The following RSU1 variants were observed in gnomAD, a reference collection of about 807,000 sequenced individuals.
RSU1 encodes Ras suppressor protein 1.
In RSU1, 26 loss-of-function variants were observed where a neutral mutation model predicts 31.1. The observed-to-expected ratio is 0.84, with a 90% CI of 0.61 to 1.16. RSU1 has a LOEUF of 1.16. RSU1 is among the 50% of genes most tolerant of loss of function. RSU1 has a pLI of 0.00. For synonymous variants in RSU1, 164 were observed against 136.3 expected, an observed-to-expected ratio of 1.20 and a Z score of -1.41; for missense variants, 320 against 339.1, an observed-to-expected ratio of 0.94 and a Z score of 0.44.
At chr10:16,705,975 TG>T (rs1835892326) in intron 7 of RSU1, among the ~76,000 whole-genome samples, 2 of 152,210 alleles carry the variant, frequency 1.3e-5, no homozygotes, top group African/African-American at 4.8e-5. Flanking sequence ...GTTGAATCCA[TG>T]AATGCAGACT....
chr10:16,767,437 G>A (rs1229531715), intron 3 of RSU1: 1 of 152,140 alleles, frequency 6.6e-6, no homozygotes, highest in Non-Finnish European at 1.5e-5. Flanking sequence ...TGCTAAATGT[G>A]ATTTAGGGCT....
intron 7 of RSU1, among the ~76,000 whole-genome samples, chr10:16,712,817 CATG>C (rs1374780939): frequency 6.6e-6 from 1 of 152,136 alleles, no homozygotes; most frequent in East Asian, 1.9e-4. Flanking sequence ...CACATGTTTT[CATG>C]ATAATTATTG....
intron 2 of RSU1, among the ~76,000 whole-genome samples, chr10:16,788,912 C>A (rs2131658210): frequency 6.6e-6 from 1 of 152,298 alleles, no homozygotes; most frequent in East Asian, 1.9e-4. Flanking sequence ...GGGTGAGCTG[C>A]AACTGGCAGA....
chr10:16,750,138 A>ATAATAATAATAG (rs1836945720), intron 7 of RSU1, among the ~76,000 whole-genome samples: 1 of 152,184 alleles, frequency 6.6e-6, no homozygotes, highest in Non-Finnish European at 1.5e-5. Flanking sequence ...CTTAATAGAT[A>ATAATAATAATAG]CTACCTATTA....
At position 16,617,589 on chromosome 10, in the gene RSU1, C is replaced by A. The variant is rs529218782; in HGVS notation, c.732-24093G>T. Among the ~76,000 whole-genome samples the A allele has an allele frequency of 2.0e-5, 3 of 152,304 alleles. No homozygotes were observed. The East Asian group carries it at 5.8e-4, about 29-fold the overall frequency. ...TCATGCTACCTGACTTCAAACTATA[C>A]TACAAGGCTACAGTAACCAAAACAG... On this transcript the variant is annotated intron_variant, in intron 8 of 8. Coordinates refer to ENST00000345264, the MANE Select transcript of RSU1 (RefSeq NM_012425.4).
chr10:16,691,584 GCC>G (rs1351265370), intron 8 of RSU1, among the ~76,000 whole-genome samples: 1 of 151,946 alleles, frequency 6.6e-6, no homozygotes, highest in African/African-American at 2.4e-5. Context: ...GCAGGCCCCT[GCC>G]CTAGCATAGC....
At chr10:16,653,280 A>T (rs1834718871) in intron 8 of RSU1, among the ~76,000 whole-genome samples, 1 of 152,250 alleles carries the variant, frequency 6.6e-6, no homozygotes, top group African/African-American at 2.4e-5. Flanking sequence ...TTGATGAAAT[A>T]TACAGAACAG....
intron 7 of RSU1, among the ~76,000 whole-genome samples, chr10:16,712,973 T>C (rs920940064): frequency 2.0e-5 from 3 of 152,206 alleles, no homozygotes; most frequent in Admixed American, 2.0e-4. Context: ...GGATATAATA[T>C]TCTTGGCTGA....
At chr10:16,760,529 A>G (rs1837190161) in intron 4 of RSU1, among the ~76,000 whole-genome samples, 1 of 151,870 alleles carries the variant, frequency 6.6e-6, no homozygotes, top group African/African-American at 2.4e-5. Flanking sequence ...AAAAAAAAAA[A>G]AAAGAAAAGT....
At chr10:16,815,603 T>TA (rs534485282) in intron 2 of RSU1, among the ~76,000 whole-genome samples, 40 of 152,182 alleles carry the variant, frequency 2.6e-4, no homozygotes, top group Admixed American at 1.8e-3. Context: ...GCACTATTAT[T>TA]AAAAAAATGC....
chr10:16,808,361 G>A (rs1838321687), intron 2 of RSU1, among the ~76,000 whole-genome samples: 2 of 151,876 alleles, frequency 1.3e-5, no homozygotes, highest in South Asian at 2.1e-4. Flanking sequence ...GCAGGTGCCT[G>A]TAATCCCAGC....
chr10:16,605,733 T>G (rs903277493), intron 8 of RSU1, among the ~76,000 whole-genome samples: 1 of 152,222 alleles, frequency 6.6e-6, no homozygotes, highest in African/African-American at 2.4e-5. Context: ...GGGGCAGTTA[T>G]CCTCTGTGGT....
At chr10:16,763,541 C>G (rs548180633) in intron 4 of RSU1, among the ~76,000 whole-genome samples, 2 of 152,276 alleles carry the variant, frequency 1.3e-5, no homozygotes, top group Admixed American at 1.3e-4. Context: ...CCCCCAGGAT[C>G]CAATCACCTC....
chr10:16,687,988 A>G (rs1835470133), intron 8 of RSU1, among the ~76,000 whole-genome samples: 1 of 152,038 alleles, frequency 6.6e-6, no homozygotes, highest in Non-Finnish European at 1.5e-5. Flanking sequence ...TTCCCAAAGT[A>G]CTGGAATTAC....
chr10:16,661,192 T>G (rs1039243765), intron 8 of RSU1, among the ~76,000 whole-genome samples: 12 of 152,036 alleles, frequency 7.9e-5, no homozygotes, highest in Non-Finnish European at 4.4e-5. Flanking sequence ...TGTTTCTTGT[T>G]TCTGCTGAGT....
chr10:16,754,801 G>A (rs1451878205), intron 5 of RSU1, 70 bp downstream of exon 5: 5 of 938,528 alleles, frequency 5.3e-6, no homozygotes, highest in Non-Finnish European at 8.2e-6. Context: ...TTGGGTCCTG[G>A]CAAATAAATT....
chr10:16,800,143 C>CT (rs1045145446), intron 2 of RSU1, among the ~76,000 whole-genome samples: 3 of 152,078 alleles, frequency 2.0e-5, no homozygotes, highest in African/African-American at 7.2e-5. Flanking sequence ...CACTAAAAGC[C>CT]TATTTACCTC....
chr10:16,594,605 A>G lies in RSU1; in HGVS notation c.732-1109T>C, dbSNP rs11254101. Reference sequence around the variant, plus strand: ...AAAAAAAATATATATATCATATATAATATCTATTATATGATATATATGATA... The same window carrying G: ...AAAAAAAATATATATATCATATATAGTATCTATTATATGATATATATGATA... On this transcript the variant is annotated intron_variant, in intron 8 of 8. Transcript: ENST00000345264. Among the ~76,000 whole-genome samples, 591 of 146,658 alleles carry G rather than the reference A, an allele frequency of 4.0e-3. 1 individual carries two copies. Among genetic ancestry groups the G allele is most frequent in the African/African-American group, 0.014 (557 of 40,194 alleles).
rs191851482 is a variant in RSU1 at position 16,612,107 on chromosome 10, G to T, written c.732-18611C>A. On this transcript the variant is annotated intron_variant, in intron 8 of 8. Transcript: ENST00000345264. The stretch of plus-strand genomic sequence containing the variant: ...TCAAACAGGTGCTCAATAAACCAAG[G>T]CAATGCCACACTACGCTCAGAACTG... Among the ~76,000 whole-genome samples the T allele has an allele frequency of 5.3e-5, 8 of 152,220 alleles. No homozygotes were observed. The East Asian group carries it at 1.5e-3, about 29-fold the overall frequency.
Sources: gnomAD v4.1 joint callset for allele counts (sites outside exome capture counted in the v4.1 genomes callset) on GRCh38, gnomAD v4.1.1 for gene constraint, MANE v1.5 for transcripts, NCBI Gene and HGNC (gene_info 2026-07-23, HGNC 2026-07-21) for gene names.